Variants in BNIP3L observed in about 807,000 individuals in gnomAD.
BNIP3L encodes BCL2/adenovirus E1B 19 kDa protein-interacting protein 3-like.
A neutral mutation model predicts 25.5 loss-of-function variants in BNIP3L; 10 were observed. The observed-to-expected ratio is 0.39, with a 90% CI of 0.24 to 0.67. The LOEUF is 0.67. Ranked by LOEUF, BNIP3L falls within the 30% of genes least tolerant of loss-of-function variation. The pLI, the probability that BNIP3L is intolerant of heterozygous loss-of-function variation, is 0.45. For missense variants in BNIP3L, 215 were observed against 270.9 expected (o/e 0.79, Z 1.45); for synonymous variants, 113 against 101.2 (o/e 1.12, Z -0.70).
At chr8:26,385,131 G>C (rs1805964529) in intron 1 of BNIP3L, among the ~76,000 whole-genome samples, 1 of 152,132 alleles carries the variant, frequency 6.6e-6, no homozygotes, top group African/African-American at 2.4e-5. Flanking sequence ...TATTTTGTCA[G>C]TGTGTTATTC....
chr8:26,385,699 C>T (rs377531856), intron 1 of BNIP3L, among the ~76,000 whole-genome samples: 1 of 151,958 alleles, frequency 6.6e-6, no homozygotes, highest in South Asian at 2.1e-4. Flanking sequence ...TTTGGCCAGT[C>T]GGTTCCTGCT....
intron 1 of BNIP3L, among the ~76,000 whole-genome samples, chr8:26,383,656 G>A (rs1314760350): frequency 6.7e-6 from 1 of 149,548 alleles, no homozygotes; most frequent in Non-Finnish European, 1.5e-5. Context: ...CGGGAGCGGG[G>A]CGGGGCGGGC....
At chr8:26,410,086 A>T (rs1239455448) in intron 5 of BNIP3L, among the ~76,000 whole-genome samples, 2 of 152,000 alleles carry the variant, frequency 1.3e-5, no homozygotes, top group African/African-American at 4.8e-5. Context: ...CTGTGGAGGG[A>T]TCTGTTCTCT....
chr8:26,406,409 T>G (rs1563343086), intron 3 of BNIP3L, among the ~76,000 whole-genome samples: 1 of 152,358 alleles, frequency 6.6e-6, no homozygotes, highest in East Asian at 1.9e-4. Context: ...ATACTGGCCC[T>G]GCTATGTACT....
intron 5 of BNIP3L, among the ~76,000 whole-genome samples, chr8:26,409,120 G>C (rs748193827): frequency 1.3e-5 from 2 of 151,642 alleles, no homozygotes; most frequent in Non-Finnish European, 2.9e-5. Flanking sequence ...GTTGATTGGT[G>C]CTAATTTTTT....
rs1322831282 is a variant in BNIP3L at position 26,412,614 on chromosome 8, T to C, written c.*2202T>C. The C allele has an allele frequency of 6.6e-6, 1 of 152,622 alleles. No individual in the cohort carries two copies. The highest frequency in any genetic ancestry group is 2.4e-5 in the African/African-American group (1 of 41,458). 9.5% of individuals were successfully genotyped at this position (152,622 alleles called of 1,614,324 possible). Reference sequence around the variant, plus strand: ...CAGTAGAATTTATTATGAGAGCATGTAGTATGTATCTGTAGCCCTAACACA... The same window carrying C: ...CAGTAGAATTTATTATGAGAGCATGCAGTATGTATCTGTAGCCCTAACACA... On this transcript the variant is annotated 3_prime_UTR_variant, in exon 6 of 6. Coordinates refer to ENST00000380629, the MANE Select transcript of BNIP3L (RefSeq NM_004331.3).
Position 26,412,603 on chromosome 8 carries a change from A to G in BNIP3L, c.*2191A>G, listed in dbSNP as rs186863667. 475 of 152,716 alleles carry G rather than the reference A, an allele frequency of 3.1e-3. 10 individuals carry two copies. Among genetic ancestry groups the G allele is most frequent in the Admixed American group, 0.026 (405 of 15,300 alleles). The allele number at this position is 152,716 out of a possible 1,614,324, so 9.5% of individuals were successfully genotyped here. ...ATACATCATCACAGTAGAATTTATT[A>G]TGAGAGCATGTAGTATGTATCTGTA... On this transcript the variant is annotated 3_prime_UTR_variant, in exon 6 of 6. Coordinates refer to ENST00000380629, the MANE Select transcript of BNIP3L (RefSeq NM_004331.3).
chr8:26,405,325 G>T (rs980303765), intron 3 of BNIP3L, among the ~76,000 whole-genome samples: 5 of 152,240 alleles, frequency 3.3e-5, no homozygotes, highest in African/African-American at 4.8e-5. Flanking sequence ...CAAGTAAATT[G>T]TAACAGTTTA....
At chr8:26,387,532 G>C (rs1806017687) in intron 1 of BNIP3L, among the ~76,000 whole-genome samples, 1 of 152,180 alleles carries the variant, frequency 6.6e-6, no homozygotes, top group Non-Finnish European at 1.5e-5. Flanking sequence ...TGTGAGGATT[G>C]GTAGAGTTAG....
At chr8:26,392,123 T>C (rs376925619) in intron 2 of BNIP3L, among the ~76,000 whole-genome samples, 2 of 152,006 alleles carry the variant, frequency 1.3e-5, no homozygotes, top group South Asian at 2.1e-4. Context: ...CAACGAGATA[T>C]GTGTGTGGAA....
At chr8:26,387,228 A>G (rs1228158062) in intron 1 of BNIP3L, among the ~76,000 whole-genome samples, 1 of 152,196 alleles carries the variant, frequency 6.6e-6, no homozygotes, top group Non-Finnish European at 1.5e-5. Context: ...TTCACAGTCT[A>G]TTATGTTAGA....
chr8:26,383,504 G>T (rs865856710), intron 1 of BNIP3L: 8 of 1,107,266 alleles, frequency 7.2e-6, no homozygotes, highest in Middle Eastern at 3.8e-4. Flanking sequence ...CTGGTGCGGG[G>T]GGTGGTCCCC....
intron 2 of BNIP3L, among the ~76,000 whole-genome samples, chr8:26,393,521 A>G (rs865862338): frequency 6.6e-6 from 1 of 151,674 alleles, no homozygotes; most frequent in Non-Finnish European, 1.5e-5. Context: ...AGCCGATTCT[A>G]ATATGTGCCA....
In BNIP3L at chr8:26,412,250, A is replaced by T. The variant is rs917353851; in HGVS notation, c.*1838A>T. 2.0e-5 allele frequency: 3 copies of T among 152,232 alleles called. No individual in the cohort carries two copies. The highest frequency in any genetic ancestry group is 4.4e-5 in the Non-Finnish European group (3 of 68,038). The allele number at this position is 152,232 out of a possible 1,614,324, so 9.4% of individuals were successfully genotyped here. ...TCATATTTGAATTTCTTTGGGAAGA[A>T]AGTAAATCTGATGGCTCACTGATTT... On this transcript the variant is annotated 3_prime_UTR_variant, in exon 6 of 6. Transcript: ENST00000380629.
intron 1 of BNIP3L, among the ~76,000 whole-genome samples, chr8:26,388,106 G>GA (rs1291707605): frequency 1.3e-5 from 2 of 152,200 alleles, no homozygotes; most frequent in Non-Finnish European, 2.9e-5. Context: ...GTCTCCATGT[G>GA]AAACTGTCAA....
At chr8:26,386,172 G>C (rs925164736) in intron 1 of BNIP3L, among the ~76,000 whole-genome samples, 1 of 152,014 alleles carries the variant, frequency 6.6e-6, no homozygotes, top group African/African-American at 2.4e-5. Flanking sequence ...GTATTTTTGT[G>C]ATTTTTTTTT....
chr8:26,404,555 CTG>C (rs1806457552), intron 3 of BNIP3L, among the ~76,000 whole-genome samples: 1 of 152,202 alleles, frequency 6.6e-6, no homozygotes, highest in Admixed American at 6.5e-5. Context: ...GGACCTCACT[CTG>C]TCACCAGGCT....
intron 3 of BNIP3L, among the ~76,000 whole-genome samples, chr8:26,402,666 T>C (rs1173301922): frequency 6.6e-6 from 1 of 152,214 alleles, no homozygotes; most frequent in Non-Finnish European, 1.5e-5. Flanking sequence ...GGCACTTGCC[T>C]GTAGTCTCAG....
intron 1 of BNIP3L, among the ~76,000 whole-genome samples, chr8:26,386,821 T>C (rs1201020761): frequency 6.6e-6 from 1 of 152,214 alleles, no homozygotes; most frequent in Non-Finnish European, 1.5e-5. Context: ...AATAATGTTT[T>C]GAATACCTAC....
Sources: gnomAD v4.1 joint callset for allele counts (sites outside exome capture counted in the v4.1 genomes callset) on GRCh38, gnomAD v4.1.1 for gene constraint, MANE v1.5 for transcripts, NCBI Gene and HGNC (gene_info 2026-07-23, HGNC 2026-07-21) for gene names.